The following RAD51B variants were observed in gnomAD, a reference collection of about 807,000 sequenced individuals.
The protein encoded by RAD51B is RAD51 paralog B.
A neutral mutation model predicts 42.2 loss-of-function variants in RAD51B; 38 were observed. The observed-to-expected ratio is 0.90, with a 90% CI of 0.70 to 1.18. The LOEUF (loss-of-function observed/expected upper bound fraction) is 1.18, where lower values mean the gene tolerates loss of function less well. Ranked by LOEUF, RAD51B falls within the 50% of genes most tolerant of loss-of-function variation. The pLI is 0.00. For missense variants in RAD51B, 373 were observed against 400.7 expected (o/e 0.93, Z 0.59); for synonymous variants, 154 against 145.2 (o/e 1.06, Z -0.43).
At chr14:68,612,653 A>C (rs1405261272), downstream of RAD51B, among the ~76,000 whole-genome samples, 1 of 152,082 alleles carries the variant, frequency 6.6e-6, no homozygotes, top group Non-Finnish European at 1.5e-5. Flanking sequence ...ATGGATACAA[A>C]GTTTCTGTTT....
At chr14:68,042,864 A>G (rs1595307255) in intron 7 of RAD51B, among the ~76,000 whole-genome samples, 1 of 152,194 alleles carries the variant, frequency 6.6e-6, no homozygotes, top group South Asian at 2.1e-4. Flanking sequence ...TTTATCAAAC[A>G]TGTCAGGGGA....
chr14:68,558,169 G>A (rs754043708), intron 10 of RAD51B, among the ~76,000 whole-genome samples: 4 of 152,204 alleles, frequency 2.6e-5, no homozygotes, highest in Non-Finnish European at 5.9e-5. Flanking sequence ...CCATCACCAT[G>A]GAAGAGCAGG....
chr14:68,681,885 A>G (rs1199294926), intron 11 of RAD51B, among the ~76,000 whole-genome samples: 1 of 152,128 alleles, frequency 6.6e-6, no homozygotes, highest in African/African-American at 2.4e-5. Flanking sequence ...GATATAGTGG[A>G]CTTTGGGGAC....
intron 8 of RAD51B, among the ~76,000 whole-genome samples, chr14:68,388,345 A>G (rs12898087): frequency 0.19 from 28,493 of 151,734 alleles, 2,919 homozygotes; most frequent in East Asian, 0.4. Flanking sequence ...TGATCTACCC[A>G]CCTTGGCCTC....
chr14:68,600,541 T>C (rs966446306), downstream of RAD51B, among the ~76,000 whole-genome samples: 1 of 152,060 alleles, frequency 6.6e-6, no homozygotes, highest in African/African-American at 2.4e-5. Context: ...ACTGCATGCC[T>C]TTAGGTTAAC....
chr14:68,265,951 A>G (rs2080983357), intron 7 of RAD51B, among the ~76,000 whole-genome samples: 4 of 152,188 alleles, frequency 2.6e-5, no homozygotes, highest in Admixed American at 2.0e-4. Flanking sequence ...TTGGAAATGG[A>G]CATTTAATAA....
chr14:68,159,489 G>A (rs544917423), intron 7 of RAD51B, among the ~76,000 whole-genome samples: 7 of 151,840 alleles, frequency 4.6e-5, no homozygotes, highest in East Asian at 1.9e-4. Flanking sequence ...CCACGATGGC[G>A]TGTGCCTGTA....
At chr14:68,436,486 T>C (rs181079130) in intron 9 of RAD51B, among the ~76,000 whole-genome samples, 3 of 152,308 alleles carry the variant, frequency 2.0e-5, no homozygotes, top group Non-Finnish European at 4.4e-5. Flanking sequence ...CTGCTTAGGA[T>C]TGCTTTGTCT....
At chr14:68,426,599 A>T (rs1046295397) in intron 9 of RAD51B, among the ~76,000 whole-genome samples, 2 of 152,192 alleles carry the variant, frequency 1.3e-5, no homozygotes, top group African/African-American at 4.8e-5. Context: ...TTTTAACTGC[A>T]TACAGTAAAA....
At chr14:68,378,522 T>TA (rs2083416072) in intron 8 of RAD51B, among the ~76,000 whole-genome samples, 1 of 152,212 alleles carries the variant, frequency 6.6e-6, no homozygotes, top group Non-Finnish European at 1.5e-5. Flanking sequence ...GTCCCTTATA[T>TA]AAAATCACAT....
chr14:68,580,015 C>A (rs1447169813), intron 10 of RAD51B, among the ~76,000 whole-genome samples: 1 of 152,174 alleles, frequency 6.6e-6, no homozygotes, highest in African/African-American at 2.4e-5. Flanking sequence ...AAGGGAAGGG[C>A]CCGCAATGCC....
chr14:68,022,978 G>A (rs2075891584), intron 7 of RAD51B, among the ~76,000 whole-genome samples: 1 of 152,192 alleles, frequency 6.6e-6, no homozygotes. Context: ...CAAAGGACAT[G>A]ATCTCATTCT....
chr14:68,628,819 T>C (rs1360321864), intron 10 of RAD51B, among the ~76,000 whole-genome samples: 1 of 152,054 alleles, frequency 6.6e-6, no homozygotes, highest in Non-Finnish European at 1.5e-5. Context: ...AAGGAGGAGC[T>C]GAGGTTTCGG....
intron 11 of RAD51B, among the ~76,000 whole-genome samples, chr14:68,662,381 G>C (rs1335515412): frequency 6.6e-6 from 1 of 152,172 alleles, no homozygotes; most frequent in Non-Finnish European, 1.5e-5. Context: ...AACTGTTTTG[G>C]GATCTTAGGA....
intron 9 of RAD51B, among the ~76,000 whole-genome samples, chr14:68,432,749 A>C (rs920584487): frequency 1.3e-5 from 2 of 152,222 alleles, no homozygotes; most frequent in African/African-American, 4.8e-5. Flanking sequence ...TAGCCCATTT[A>C]CATTTAAGGT....
At chr14:67,821,778 C>A (rs2040636388) in intron 1 of RAD51B, among the ~76,000 whole-genome samples, 1 of 151,878 alleles carries the variant, frequency 6.6e-6, no homozygotes, top group African/African-American at 2.4e-5. Context: ...TCTTTTCTTT[C>A]TCCTTCTTTT....
chr14:68,610,605 C>G (rs752531539), intron 10 of RAD51B, among the ~76,000 whole-genome samples: 27 of 152,234 alleles, frequency 1.8e-4, no homozygotes, highest in Non-Finnish European at 2.6e-4. Flanking sequence ...CCATAGCCAC[C>G]TGCTGCTCAC....
chr14:68,004,671 A>G (rs1319243536), intron 7 of RAD51B, among the ~76,000 whole-genome samples: 3 of 152,176 alleles, frequency 2.0e-5, no homozygotes, highest in Non-Finnish European at 4.4e-5. Flanking sequence ...GAATTTTCAC[A>G]AACTGAACAA....
At chr14:68,414,348 C>T (rs1271712199) in intron 9 of RAD51B, among the ~76,000 whole-genome samples, 1 of 152,172 alleles carries the variant, frequency 6.6e-6, no homozygotes, top group African/African-American at 2.4e-5. Flanking sequence ...TTCCATTTGA[C>T]TTTTATTTAC....
Sources: allele counts gnomAD v4.1 joint callset (sites outside exome capture counted in the v4.1 genomes callset), GRCh38; gene constraint gnomAD v4.1.1; transcripts MANE v1.5; gene names NCBI Gene and HGNC (gene_info 2026-07-23, HGNC 2026-07-21).